Variants in MYT1L observed in about 807,000 individuals in gnomAD.
MYT1L encodes myelin transcription factor 1 like.
Under a neutral mutation model 126.7 loss-of-function variants are expected in MYT1L, and 12 were observed. That is an observed-to-expected ratio of 0.09 (90% CI 0.06 to 0.15). MYT1L has a LOEUF of 0.15. Among genes scored for constraint, MYT1L ranks in the 10% least tolerant of loss-of-function variants. The probability of loss-of-function intolerance (pLI) is 1.00; values close to 1 mark genes in which losing one functional copy is unlikely to be tolerated. For missense variants in MYT1L, 979 were observed against 1,585.2 expected (o/e 0.62, Z 6.49); for synonymous variants, 541 against 604.2 (o/e 0.90, Z 1.53).
intron 21 of MYT1L, among the ~76,000 whole-genome samples, chr2:1,836,537 A>G (rs890958632): frequency 6.7e-6 from 1 of 149,352 alleles, no homozygotes; most frequent in Non-Finnish European, 1.5e-5. Context: ...CTGCGCTCCA[A>G]TATTCCATCA....
At chr2:1,804,601 T>A (rs2035398996) in intron 22 of MYT1L, among the ~76,000 whole-genome samples, 1 of 152,224 alleles carries the variant, frequency 6.6e-6, no homozygotes, top group South Asian at 2.1e-4. Context: ...CAAATTAGCA[T>A]AGCGTGGTCC....
At chr2:1,902,157 T>TTAAA (rs1270370450) in intron 14 of MYT1L, among the ~76,000 whole-genome samples, 4 of 152,308 alleles carry the variant, frequency 2.6e-5, no homozygotes, top group Admixed American at 2.6e-4. Context: ...ATAAATAAAA[T>TTAAA]TAAATAAATA....
intron 2 of MYT1L, among the ~76,000 whole-genome samples, chr2:2,180,375 A>T (rs968574779): frequency 2.0e-5 from 3 of 151,892 alleles, no homozygotes; most frequent in African/African-American, 7.3e-5. Flanking sequence ...AAAAAAAAAA[A>T]ACAACAACCT....
intron 9 of MYT1L, among the ~76,000 whole-genome samples, chr2:1,942,350 G>A (rs983584313): frequency 2.6e-5 from 4 of 152,128 alleles, no homozygotes; most frequent in Non-Finnish European, 4.4e-5. Context: ...ACAGCATGGC[G>A]GCCTTCTCCC....
rs780156118 is a variant in MYT1L at position 1,979,049 on chromosome 2, G to C, written c.152+116C>G. 4.1e-5 allele frequency: 31 copies of C among 765,348 alleles called. No individual in the cohort carries two copies. The Admixed American group carries it at 7.5e-4, about 19-fold the overall frequency. 47.4% of individuals were successfully genotyped at this position (765,348 alleles called of 1,614,324 possible). On this transcript the variant is annotated intron_variant, in intron 8 of 24. Transcript: ENST00000647738. The surrounding 1 kb of genome is among the most constrained non-coding windows in gnomAD (Gnocchi z 4.0). ...AGTTCCAGTGTGAGAAGAAAAAGAA[G>C]GCATAATGTGTATTGCTTTCCAAGA...
rs2095489007 is a variant in MYT1L, at chr2:2,284,425, T to A, written c.-442A>T. 1 of 152,288 alleles carries A rather than the reference T, an allele frequency of 6.6e-6. No homozygotes were observed. Among genetic ancestry groups the A allele is most frequent in the South Asian group, 2.1e-4 (1 of 4,828 alleles). The allele number at this position is 152,288 out of a possible 1,614,324, so 9.4% of individuals were successfully genotyped here. On this transcript the variant is annotated 5_prime_UTR_variant, in exon 2 of 25. Coordinates refer to ENST00000647738, the MANE Select transcript of MYT1L (RefSeq NM_001303052.2). The stretch of plus-strand genomic sequence containing the variant: ...ATACCACACGCTGTGATCCCTCAAA[T>A]GTCAACGTGGATTGGACAAACGTCC...
At chr2:2,001,681 T>A (rs768464662) in intron 4 of MYT1L, among the ~76,000 whole-genome samples, 3 of 151,952 alleles carry the variant, frequency 2.0e-5, no homozygotes, top group Non-Finnish European at 4.4e-5. Flanking sequence ...AGTTGATGAG[T>A]AAGTTGGGAA....
At chr2:2,164,622 A>C (rs1488533369) in intron 3 of MYT1L, among the ~76,000 whole-genome samples, 1 of 152,174 alleles carries the variant, frequency 6.6e-6, no homozygotes, top group African/African-American at 2.4e-5. Context: ...TTGTCAGTTG[A>C]CCAACTATCC....
intron 2 of MYT1L, among the ~76,000 whole-genome samples, chr2:2,269,160 G>C (rs2095207581): frequency 1.3e-5 from 2 of 152,206 alleles, no homozygotes; most frequent in Admixed American, 1.3e-4. Flanking sequence ...TGGAGATAAA[G>C]GGTGAGGATT....
chr2:2,060,154 G>A (rs1452580993), intron 3 of MYT1L, among the ~76,000 whole-genome samples: 1 of 152,314 alleles, frequency 6.6e-6, no homozygotes, highest in Admixed American at 6.5e-5. Context: ...AGCAAGGAAG[G>A]ACTGCAGCTT....
chr2:2,295,877 C>A (rs147823022), intron 1 of MYT1L, among the ~76,000 whole-genome samples: 4 of 136,682 alleles, frequency 2.9e-5, no homozygotes, highest in Non-Finnish European at 4.6e-5. Flanking sequence ...GGGAGAGAGG[C>A]AGAGGAATAA....
At chr2:2,319,327 C>A (rs573005042) in intron 1 of MYT1L, 2 of 152,174 alleles carry the variant, frequency 1.3e-5, no homozygotes, top group Non-Finnish European at 2.9e-5. Flanking sequence ...AGACCCCTGA[C>A]AGTTACCAAC....
At position 2,239,652 on chromosome 2, in the gene MYT1L, C is replaced by G. The variant is rs535556066; in HGVS notation, c.-421+44752G>C. Among the ~76,000 whole-genome samples, 4 of 152,330 alleles carry G rather than the reference C, an allele frequency of 2.6e-5. No individual in the cohort carries two copies. The South Asian group carries it at 8.3e-4, about 32-fold the overall frequency. The stretch of plus-strand genomic sequence containing the variant: ...GGCTTGATTATATCCATTTCCAAAA[C>G]CTGCTCTCATCACTGCTGATAGATT... On this transcript the variant is annotated intron_variant, in intron 2 of 24. Coordinates refer to ENST00000647738, the MANE Select transcript of MYT1L (RefSeq NM_001303052.2).
chr2:2,271,979 G>T (rs1405557007), intron 2 of MYT1L, among the ~76,000 whole-genome samples: 2 of 152,144 alleles, frequency 1.3e-5, no homozygotes, highest in African/African-American at 4.8e-5. Context: ...GATTCATTCT[G>T]CCTGTCGCTG....
At chr2:1,905,115 T>A (rs879486007) in intron 13 of MYT1L, among the ~76,000 whole-genome samples, 4 of 152,004 alleles carry the variant, frequency 2.6e-5, no homozygotes, top group African/African-American at 4.8e-5. Flanking sequence ...TCTTGAACCC[T>A]TGGCATCAAG....
chr2:1,854,480 G>A (rs2148558244), intron 18 of MYT1L, among the ~76,000 whole-genome samples: 1 of 152,296 alleles, frequency 6.6e-6, no homozygotes, highest in African/African-American at 2.4e-5. Flanking sequence ...GTGTGCTGCT[G>A]AAGTCTACAC....
intron 3 of MYT1L, among the ~76,000 whole-genome samples, chr2:2,095,987 G>C (rs969278454): frequency 6.6e-6 from 1 of 151,946 alleles, no homozygotes; most frequent in African/African-American, 2.4e-5. Flanking sequence ...GGATGTTCAT[G>C]GGTGGGTCTG....
At chr2:2,077,991 T>G (rs577641199) in intron 3 of MYT1L, among the ~76,000 whole-genome samples, 1 of 152,336 alleles carries the variant, frequency 6.6e-6, no homozygotes, top group African/African-American at 2.4e-5. Context: ...TATAAAACTG[T>G]GCTAATAGCT....
At chr2:1,898,860 G>A (rs1045682414) in intron 14 of MYT1L, among the ~76,000 whole-genome samples, 1 of 152,216 alleles carries the variant, frequency 6.6e-6, no homozygotes, top group African/African-American at 2.4e-5. Context: ...GGAGACAGAG[G>A]GCCAGGGAGG....
Sources: gnomAD v4.1 joint callset for allele counts (sites outside exome capture counted in the v4.1 genomes callset) on GRCh38, gnomAD v4.1.1 for gene constraint, Gnocchi (gnomAD v3.1) non-coding constraint, MANE v1.5 for transcripts, NCBI Gene and HGNC (gene_info 2026-07-23, HGNC 2026-07-21) for gene names.